Variants in ANKS1B observed in about 807,000 individuals in gnomAD.
ANKS1B encodes ankyrin repeat and sterile alpha motif domain-containing protein 1B.
Under a neutral mutation model 148.3 loss-of-function variants are expected in ANKS1B, and 36 were observed. The ratio of observed to expected loss-of-function variants is 0.24; its 90% CI spans 0.19 to 0.32. The LOEUF (loss-of-function observed/expected upper bound fraction) is 0.32, where lower values mean the gene tolerates loss of function less well. ANKS1B is among the 10% of genes least tolerant of loss of function. ANKS1B has a pLI of 1.00. For missense variants in ANKS1B, 1,157 were observed against 1,542.6 expected (o/e 0.75, Z 4.19); for synonymous variants, 542 against 560.8 (o/e 0.97, Z 0.47).
At chr12:99,980,678 A>G (rs930736637) in intron 1 of ANKS1B, among the ~76,000 whole-genome samples, 6 of 152,080 alleles carry the variant, frequency 3.9e-5, no homozygotes, top group African/African-American at 1.4e-4. Flanking sequence ...AGTTCTTAAC[A>G]TCTATGCTGT....
chr12:98,944,182 C>T (rs996227404), intron 17 of ANKS1B, among the ~76,000 whole-genome samples: 2 of 151,742 alleles, frequency 1.3e-5, no homozygotes, highest in Non-Finnish European at 2.9e-5. Context: ...TGCCTGTAAT[C>T]CCAGCTACTG....
chr12:99,686,753 T>G (rs2098651578), intron 8 of ANKS1B, among the ~76,000 whole-genome samples: 1 of 152,176 alleles, frequency 6.6e-6, no homozygotes, highest in Non-Finnish European at 1.5e-5. Flanking sequence ...CAGTATACTT[T>G]CATTTCCTCC....
chr12:99,049,673 A>C (rs1199782077), intron 17 of ANKS1B, among the ~76,000 whole-genome samples: 2 of 152,212 alleles, frequency 1.3e-5, no homozygotes, highest in Non-Finnish European at 2.9e-5. Context: ...TATAGTTTCC[A>C]AAGCTATTAG....
At chr12:99,393,720 C>A (rs1038919550) in intron 12 of ANKS1B, among the ~76,000 whole-genome samples, 1 of 152,122 alleles carries the variant, frequency 6.6e-6, no homozygotes, top group African/African-American at 2.4e-5. Flanking sequence ...AACAATTATT[C>A]CAACCCTCTT....
At chr12:99,449,072 T>C (rs1027297918) in intron 10 of ANKS1B, among the ~76,000 whole-genome samples, 78 of 152,124 alleles carry the variant, frequency 5.1e-4, no homozygotes, top group African/African-American at 1.7e-3. Context: ...TTTTCTTAAT[T>C]TTAGTAGACT....
intron 1 of ANKS1B, among the ~76,000 whole-genome samples, chr12:99,881,725 G>A (rs895864629): frequency 3.3e-5 from 5 of 152,156 alleles, no homozygotes; most frequent in African/African-American, 9.7e-5. Flanking sequence ...ATCACAGAGC[G>A]TTTGAAAACG....
intron 9 of ANKS1B, among the ~76,000 whole-genome samples, chr12:99,566,747 C>T (rs1208461355): frequency 6.6e-6 from 1 of 152,134 alleles, no homozygotes; most frequent in Non-Finnish European, 1.5e-5. Flanking sequence ...TAGATGACGG[C>T]ACCATGCTCT....
chr12:99,378,437 T>TGAGGTC (rs368864973), intron 12 of ANKS1B, among the ~76,000 whole-genome samples: 137 of 151,874 alleles, frequency 9.0e-4, no homozygotes, highest in African/African-American at 3.1e-3. Context: ...GGGCAGATCA[T>TGAGGTC]GAGGTCAAGA....
At chr12:98,937,913 A>C (rs1035036831) in intron 17 of ANKS1B, among the ~76,000 whole-genome samples, 1 of 151,676 alleles carries the variant, frequency 6.6e-6, no homozygotes, top group African/African-American at 2.4e-5. Flanking sequence ...AGAGAGAGAG[A>C]GTGCAGGGGA....
intron 9 of ANKS1B, among the ~76,000 whole-genome samples, chr12:99,652,526 C>T (rs145082576): frequency 6.6e-6 from 1 of 151,770 alleles, no homozygotes; most frequent in East Asian, 1.9e-4. Flanking sequence ...AGTCTTATTG[C>T]TGGTTTGTTA....
chr12:98,747,967 G>A (rs2097939398), intron 26 of ANKS1B, among the ~76,000 whole-genome samples: 1 of 152,212 alleles, frequency 6.6e-6, no homozygotes, highest in South Asian at 2.1e-4. Context: ...GGAGAGTAGG[G>A]ATGAAGAGAG....
chr12:98,739,739 C>T (rs535082990), downstream of ANKS1B, among the ~76,000 whole-genome samples: 2 of 152,220 alleles, frequency 1.3e-5, no homozygotes, highest in African/African-American at 4.8e-5. Context: ...ATGTACAAGG[C>T]TTTTGTGGGG....
chr12:99,938,950 C>A (rs1170253799), intron 1 of ANKS1B, among the ~76,000 whole-genome samples: 1 of 152,152 alleles, frequency 6.6e-6, no homozygotes, highest in Non-Finnish European at 1.5e-5. Context: ...GTCATTCCCA[C>A]TTAATCCAAA....
chr12:99,226,532 ATATAAT>A (rs769087144), intron 14 of ANKS1B, among the ~76,000 whole-genome samples: 221 of 152,366 alleles, frequency 1.5e-3, no homozygotes, highest in Middle Eastern at 3.4e-3. Context: ...TATCTTACAT[ATATAAT>A]TATATCACAT....
chr12:99,376,225 GA>G (rs908160858), intron 12 of ANKS1B, among the ~76,000 whole-genome samples: 8 of 151,746 alleles, frequency 5.3e-5, no homozygotes, highest in Non-Finnish European at 8.8e-5. Flanking sequence ...CTGTGGATAC[GA>G]AAAAAAATGC....
chr12:99,059,397 T>G (rs1256630803), intron 16 of ANKS1B, among the ~76,000 whole-genome samples: 1 of 152,228 alleles, frequency 6.6e-6, no homozygotes, highest in African/African-American at 2.4e-5. Context: ...TGGCTTGGTA[T>G]CCATTTGTGG....
intron 19 of ANKS1B, among the ~76,000 whole-genome samples, chr12:98,812,362 T>C (rs1398961361): frequency 1.3e-5 from 2 of 152,148 alleles, no homozygotes; most frequent in African/African-American, 4.8e-5. Context: ...ATAGGCTAGA[T>C]CATATACAGC....
At chr12:99,586,582 G>T (rs901993703) in intron 9 of ANKS1B, among the ~76,000 whole-genome samples, 5 of 152,048 alleles carry the variant, frequency 3.3e-5, no homozygotes, top group African/African-American at 7.2e-5. Flanking sequence ...CCACATTTTT[G>T]AGTATCTTTA....
intron 8 of ANKS1B, among the ~76,000 whole-genome samples, chr12:99,760,771 G>C (rs1257014087): frequency 1.3e-5 from 2 of 150,928 alleles, no homozygotes; most frequent in Non-Finnish European, 3.0e-5. Flanking sequence ...GGCATGAAAG[G>C]ATAAATAAGA....
Sources: allele counts gnomAD v4.1 joint callset (sites outside exome capture counted in the v4.1 genomes callset), GRCh38; gene constraint gnomAD v4.1.1; transcripts MANE v1.5; gene names NCBI Gene and HGNC (gene_info 2026-07-23, HGNC 2026-07-21).